Variants in FBXO47 observed in about 807,000 individuals in gnomAD.
FBXO47 encodes F-box protein 47, also known as F-box only protein 47.
Under a neutral mutation model 53.9 loss-of-function variants are expected in FBXO47, and 34 were observed. The ratio of observed to expected loss-of-function variants is 0.63; its 90% CI spans 0.48 to 0.84. FBXO47 has a LOEUF of 0.84. FBXO47 is among the 40% of genes least tolerant of loss of function. The pLI is 0.00. For missense variants in FBXO47, 485 were observed against 541.3 expected (o/e 0.90, Z 1.03); for synonymous variants, 165 against 181.6 (o/e 0.91, Z 0.73).
rs188647399 is a variant in FBXO47 at position 38,960,883 on chromosome 17, C to T, written c.352+994G>A. On this transcript the variant is annotated intron_variant, in intron 3 of 10. Coordinates refer to ENST00000378079, the MANE Select transcript of FBXO47 (RefSeq NM_001008777.3). ...CTGACCTCAGGTGATCTGCCTGCCT[C>T]GGCCTCTCAAAGTGCTGAGATTACA... Among the ~76,000 whole-genome samples the T allele has an allele frequency of 2.3e-3, 349 of 152,126 alleles. 1 individual carries two copies. Among genetic ancestry groups the T allele is most frequent in the African/African-American group, 8.1e-3 (336 of 41,504 alleles).
chr17:38,962,903 A>C lies in FBXO47; in HGVS notation c.123T>G (p.Phe41Leu). The change falls in exon 2 of 11, where the codon TTT (phenylalanine) becomes TTG (leucine). Residue 41 changes from phenylalanine (F) to leucine (L), a missense_variant. Coordinates refer to ENST00000378079, the MANE Select transcript of FBXO47 (RefSeq NM_001008777.3). The stretch of plus-strand genomic sequence containing the variant: ...CCAATGGTAAGGCTTTAAAATTTCC[A>C]AATGTTGATATGGGTTGAAAGCCTG... ...LGSGFQPIST[F>L]GNFKALPLEI... 2.5e-6 allele frequency: 4 copies of C among 1,613,378 alleles called. No homozygotes were observed. The East Asian group carries it at 8.9e-5, about 36-fold the overall frequency.
intron 10 of FBXO47, 65 bp downstream of exon 10, chr17:38,938,508 T>C: frequency 8.7e-7 from 1 of 1,153,516 alleles, no homozygotes; most frequent in Non-Finnish European, 1.2e-6. Flanking sequence ...AAAATATCTC[T>C]GTTTTAGGTG....
At chr17:38,941,642 A>ATATATATATATATATG (rs924192946) in intron 9 of FBXO47, among the ~76,000 whole-genome samples, 23 of 144,212 alleles carry the variant, frequency 1.6e-4, no homozygotes, top group African/African-American at 5.1e-4. Context: ...ATATATATAT[A>ATATATATATATATATG]TATGTATGTG....
chr17:38,940,403 A>C (rs1426371676), intron 9 of FBXO47, among the ~76,000 whole-genome samples: 1 of 151,868 alleles, frequency 6.6e-6, no homozygotes, highest in Non-Finnish European at 1.5e-5. Context: ...ACACAAAGCC[A>C]ATTATGTCTC....
chr17:38,939,323 A>T (rs7210812), intron 9 of FBXO47, among the ~76,000 whole-genome samples: 1,509 of 47,874 alleles, frequency 0.032, 30 homozygotes, highest in Middle Eastern at 0.065. Flanking sequence ...AAAAAAAAAA[A>T]ATATATATAT....
chr17:38,938,505 C>A, intron 10 of FBXO47, 68 bp downstream of exon 10: 3 of 1,033,194 alleles, frequency 2.9e-6, no homozygotes, highest in Non-Finnish European at 3.9e-6. Context: ...AGAAAAATAT[C>A]TCTGTTTTAG....
At chr17:38,946,893 T>A (rs1266167364) in intron 6 of FBXO47, among the ~76,000 whole-genome samples, 4 of 114,738 alleles carry the variant, frequency 3.5e-5, no homozygotes, top group East Asian at 2.4e-4. Flanking sequence ...AATATATATA[T>A]AAACATATAT....
At chr17:38,953,883 G>T (rs939088965) in intron 5 of FBXO47, among the ~76,000 whole-genome samples, 1 of 152,136 alleles carries the variant, frequency 6.6e-6, no homozygotes, top group Non-Finnish European at 1.5e-5. Flanking sequence ...AGACTAGTAG[G>T]AGGGCTTAGA....
At chr17:38,939,105 C>A (rs556313048) in intron 9 of FBXO47, among the ~76,000 whole-genome samples, 5 of 151,160 alleles carry the variant, frequency 3.3e-5, no homozygotes, top group Non-Finnish European at 7.4e-5. Flanking sequence ...ACCAGCCTGG[C>A]CAAAATGGTG....
At chr17:38,953,649 A>G (rs1905415691) in intron 5 of FBXO47, among the ~76,000 whole-genome samples, 1 of 152,106 alleles carries the variant, frequency 6.6e-6, no homozygotes, top group South Asian at 2.1e-4. Flanking sequence ...TAATTAATTA[A>G]TAAAAACTAA....
chr17:38,942,842 A>G lies in FBXO47; in HGVS notation c.1019T>C (p.Met340Thr), dbSNP rs145188676. Reference sequence around the variant, plus strand: ...GCGTCCATTCACAGCTTTACTAGCCATGAAACTGAAACAGATGTTGTTTCC... The same window carrying G: ...GCGTCCATTCACAGCTTTACTAGCCGTGAAACTGAAACAGATGTTGTTTCC... The part of the protein sequence containing the change: ...LSGNNICFSF[M>T]ASKAVNGRTI... The change falls in exon 9 of 11, where the codon ATG becomes ACG. Residue 340 changes from methionine to threonine, a missense_variant. Transcript: ENST00000378079. 3.2e-5 allele frequency: 52 copies of G among 1,613,740 alleles called. No individual in the cohort carries two copies. Among genetic ancestry groups the G allele is most frequent in the Non-Finnish European group, 4.1e-5 (48 of 1,179,810 alleles).
chr17:38,945,958 T>TATATATAA (rs1393615030), intron 6 of FBXO47, among the ~76,000 whole-genome samples: 19 of 131,232 alleles, frequency 1.4e-4, no homozygotes, highest in African/African-American at 2.4e-4. Flanking sequence ...AATATATATA[T>TATATATAA]ATATATAAAT....
intron 5 of FBXO47, among the ~76,000 whole-genome samples, chr17:38,952,815 C>CTTTTTTTT (rs139105548): frequency 4.7e-4 from 54 of 115,354 alleles, no homozygotes; most frequent in African/African-American, 1.7e-3. Context: ...TTATTTATGA[C>CTTTTTTTT]TTTTTTTTTT....
chr17:38,947,161 G>T (rs560977624), intron 6 of FBXO47, among the ~76,000 whole-genome samples: 1 of 147,110 alleles, frequency 6.8e-6, no homozygotes. Flanking sequence ...CCAGGCAGCG[G>T]CAGTGGCACG....
chr17:38,952,142 C>T (rs532780526), intron 5 of FBXO47, among the ~76,000 whole-genome samples: 34 of 152,098 alleles, frequency 2.2e-4, no homozygotes, highest in African/African-American at 5.8e-4. Flanking sequence ...CTGGCTAACA[C>T]GGTGAAACCC....
chr17:38,956,758 CATAAA>C (rs1455224547), intron 4 of FBXO47, among the ~76,000 whole-genome samples: 2 of 152,008 alleles, frequency 1.3e-5, no homozygotes, highest in African/African-American at 2.4e-5. Flanking sequence ...AGTCTATTAT[CATAAA>C]ATGTTTGTCA....
At chr17:38,944,870 G>T in intron 7 of FBXO47, 90 bp downstream of exon 7, 1 of 949,658 alleles carries the variant, frequency 1.1e-6, no homozygotes, top group Non-Finnish European at 1.6e-6. Context: ...GTGTGTGTGT[G>T]TATAATATAT....
At chr17:38,966,327 T>A (rs1486205406) in intron 1 of FBXO47, among the ~76,000 whole-genome samples, 2 of 151,938 alleles carry the variant, frequency 1.3e-5, no homozygotes, top group Non-Finnish European at 2.9e-5. Flanking sequence ...TCAGCCTCCC[T>A]AGTAGCTGGG....
chr17:38,951,718 T>C, intron 5 of FBXO47, 29 bp from the exon 6 acceptor site: 1 of 1,502,836 alleles, frequency 6.7e-7, no homozygotes, highest in African/African-American at 1.4e-5. Flanking sequence ...ACATTGTGGA[T>C]ATTCAGACTA....
Sources: gnomAD v4.1 joint callset for allele counts (sites outside exome capture counted in the v4.1 genomes callset) on GRCh38, gnomAD v4.1.1 for gene constraint, MANE v1.5 for transcripts, NCBI Gene and HGNC (gene_info 2026-07-23, HGNC 2026-07-21) for gene names.